The following NCK1 variants were observed in gnomAD, a reference collection of about 807,000 sequenced individuals.
NCK1 encodes the protein SH2/SH3 adapter protein NCK1.
In NCK1, 19 loss-of-function variants were observed where a neutral mutation model predicts 36.6. That is an observed-to-expected ratio of 0.52 (90% CI 0.36 to 0.76). The LOEUF (loss-of-function observed/expected upper bound fraction) is 0.76, where lower values mean the gene tolerates loss of function less well. Ranked by LOEUF, NCK1 falls within the 30% of genes least tolerant of loss-of-function variation. The pLI is 0.00. For synonymous variants in NCK1, 165 were observed against 156.0 expected (o/e 1.06, Z -0.43); for missense variants, 358 against 445.6 (o/e 0.80, Z 1.77).
At chr3:136,894,083 T>C (rs1444678923) in intron 1 of NCK1, among the ~76,000 whole-genome samples, 1 of 152,204 alleles carries the variant, frequency 6.6e-6, no homozygotes, top group East Asian at 1.9e-4. Flanking sequence ...CAGGTCCTAA[T>C]AATCAGGGTC....
rs1576991318 is a variant in NCK1 at position 136,940,980 on chromosome 3, T to G, written c.227-4603T>G. ...AAAGTGAGTGTCTTGCAGATAACAG[T>G]TGCATCATGTTATTTTTAATCTATT... On this transcript the variant is annotated intron_variant, in intron 2 of 3. Transcript: ENST00000481752. Among the ~76,000 whole-genome samples, 3 of 152,332 alleles carry G rather than the reference T, an allele frequency of 2.0e-5. No individual in the cohort carries two copies. In the East Asian group the frequency reaches 5.8e-4, roughly 29 times the overall value.
intron 3 of NCK1, among the ~76,000 whole-genome samples, 153 bp downstream of exon 3, chr3:136,946,448 G>A (rs1185945626): frequency 4.6e-5 from 7 of 152,096 alleles, no homozygotes; most frequent in African/African-American, 1.2e-4. Context: ...GCTAAAGTCC[G>A]CATTCTTTCT....
intron 1 of NCK1, among the ~76,000 whole-genome samples, chr3:136,894,417 G>C (rs186621271): frequency 1.4e-4 from 21 of 152,306 alleles, no homozygotes; most frequent in African/African-American, 5.1e-4. Flanking sequence ...CAAATGACCA[G>C]CAGAATGACT....
chr3:136,899,419 C>CTT (rs34828302), intron 1 of NCK1: 2,568 of 199,006 alleles, frequency 0.013, 2 homozygotes, highest in South Asian at 0.029. Flanking sequence ...CATTTCTTTT[C>CTT]TTTTTTTTTT....
At chr3:136,913,509 C>T (rs938739111) in intron 1 of NCK1, among the ~76,000 whole-genome samples, 1 of 152,172 alleles carries the variant, frequency 6.6e-6, no homozygotes, top group African/African-American at 2.4e-5. Context: ...CTCAAGCAGT[C>T]CTCCCGCTTT....
intron 1 of NCK1, among the ~76,000 whole-genome samples, chr3:136,915,590 C>G (rs1201229646): frequency 1.3e-5 from 2 of 152,080 alleles, no homozygotes; most frequent in Admixed American, 1.3e-4. Flanking sequence ...TCTCACGTTG[C>G]TATAAATAAC....
intron 1 of NCK1, among the ~76,000 whole-genome samples, chr3:136,870,360 CCTTTT>C (rs78047947): frequency 0.03 from 4,608 of 151,124 alleles, 101 homozygotes; most frequent in East Asian, 0.11. Context: ...AAAAATTCAT[CCTTTT>C]CTTCCAAAAA....
intron 2 of NCK1, 24 bp downstream of exon 2, chr3:136,928,251 G>T (rs774656852): frequency 6.4e-7 from 1 of 1,569,962 alleles, no homozygotes; most frequent in Non-Finnish European, 8.6e-7. Context: ...TAAAAGAAAA[G>T]CAACTTTGTT....
intron 1 of NCK1, among the ~76,000 whole-genome samples, chr3:136,867,048 TTTTCTTTC>T (rs1157451657): frequency 5.3e-4 from 18 of 33,722 alleles, no homozygotes; most frequent in African/African-American, 1.7e-3. Context: ...TGTTGCTTGC[TTTTCTTTC>T]TTTCTTTCTT....
intron 2 of NCK1, among the ~76,000 whole-genome samples, chr3:136,942,420 A>G (rs761799627): frequency 1.3e-5 from 2 of 152,180 alleles, no homozygotes; most frequent in Non-Finnish European, 1.5e-5. Flanking sequence ...GCTGAAGTCT[A>G]TTCCATTTGC....
intron 1 of NCK1, among the ~76,000 whole-genome samples, chr3:136,864,966 T>G (rs1434923491): frequency 7.0e-6 from 1 of 143,678 alleles, no homozygotes; most frequent in African/African-American, 2.6e-5. Flanking sequence ...CTTTTGTTTG[T>G]TTTTTTTTTT....
chr3:136,933,010 TAAAC>T (rs1053834344), intron 2 of NCK1, among the ~76,000 whole-genome samples: 3 of 152,110 alleles, frequency 2.0e-5, no homozygotes, highest in Admixed American at 6.5e-5. Flanking sequence ...AAGATAGAAA[TAAAC>T]AAGATGAATA....
rs1488833535 is a variant in NCK1, at chr3:136,949,140, A to G, written c.*687A>G. The stretch of plus-strand genomic sequence containing the variant: ...AATTTTTTTCCAGTGCTTCTCCCTC[A>G]TCTGGTTATTCAAGAAAACAAAACA... On this transcript the variant is annotated 3_prime_UTR_variant, in exon 4 of 4. Transcript: ENST00000481752. The G allele has an allele frequency of 6.6e-6, 1 of 152,164 alleles. No individual in the cohort carries two copies. Among genetic ancestry groups the G allele is most frequent in the East Asian group, 1.9e-4 (1 of 5,204 alleles). The allele number at this position is 152,164 out of a possible 1,614,324, so 9.4% of individuals were successfully genotyped here. A position where few individuals can be genotyped will look rare whatever the true frequency, so the allele number is the denominator to read the frequency against.
chr3:136,930,885 A>G (rs1453820355), intron 2 of NCK1, among the ~76,000 whole-genome samples: 2 of 152,204 alleles, frequency 1.3e-5, no homozygotes, highest in African/African-American at 2.4e-5. Context: ...CTTAGCACAG[A>G]CATTTGAAGT....
chr3:136,923,337 C>T (rs553866270), intron 1 of NCK1, among the ~76,000 whole-genome samples: 5 of 152,092 alleles, frequency 3.3e-5, no homozygotes, highest in South Asian at 2.1e-4. Context: ...AGGCGGATCA[C>T]GAGGTCAGGA....
intron 1 of NCK1, among the ~76,000 whole-genome samples, chr3:136,887,050 G>A (rs1939092758): frequency 6.6e-6 from 1 of 151,968 alleles, no homozygotes; most frequent in Admixed American, 6.6e-5. Flanking sequence ...CATTATGTTG[G>A]CCAGGCTGGT....
chr3:136,917,247 T>TTG (rs11370944), intron 1 of NCK1, among the ~76,000 whole-genome samples: 3 of 150,916 alleles, frequency 2.0e-5, no homozygotes, highest in African/African-American at 7.3e-5. Context: ...TTTTTTTTTT[T>TTG]GCTTAATCAG....
chr3:136,877,226 T>A lies in NCK1; in HGVS notation c.-19+14873T>A, dbSNP rs138413760. Among the ~76,000 whole-genome samples, 1,092 of 152,272 alleles carry A rather than the reference T, an allele frequency of 7.2e-3. 18 individuals are homozygous for A. The highest frequency in any genetic ancestry group is 0.025 in the African/African-American group (1,042 of 41,564). On this transcript the variant is annotated intron_variant, in intron 1 of 3. Coordinates refer to ENST00000481752, the MANE Select transcript of NCK1 (RefSeq NM_001291999.2). ...AATGCAGATTGTTTTTAAGTGCCTA[T>A]GAAAGTTTTTCCCAAATTGACACAT...
At chr3:136,901,681 TA>T (rs1403103305) in intron 1 of NCK1, among the ~76,000 whole-genome samples, 1 of 152,202 alleles carries the variant, frequency 6.6e-6, no homozygotes, top group African/African-American at 2.4e-5. Context: ...TCGTTGTTTG[TA>T]ATAGTTTTTA....
Sources: gnomAD v4.1 joint callset for allele counts (sites outside exome capture counted in the v4.1 genomes callset) on GRCh38, gnomAD v4.1.1 for gene constraint, MANE v1.5 for transcripts, NCBI Gene and HGNC (gene_info 2026-07-23, HGNC 2026-07-21) for gene names.